Variants in ENKUR observed in about 807,000 individuals in gnomAD.
ENKUR encodes the protein enkurin, TRPC channel interacting protein, also known as enkurin.
Under a neutral mutation model 27.6 loss-of-function variants are expected in ENKUR, and 19 were observed. That is an observed-to-expected ratio of 0.69 (90% confidence interval 0.48 to 1.01). The LOEUF (loss-of-function observed/expected upper bound fraction) is 1.01, where lower values mean the gene tolerates loss of function less well. ENKUR is among the 50% of genes least tolerant of loss of function. ENKUR has a pLI of 0.00. For missense variants in ENKUR, 312 were observed against 310.5 expected, an observed-to-expected ratio of 1.00 and a Z score of -0.04; for synonymous variants, 117 against 96.9, an observed-to-expected ratio of 1.21 and a Z score of -1.22.
chr10:25,044,066 T>G (rs2130475524), intron 2 of ENKUR, among the ~76,000 whole-genome samples: 1 of 152,296 alleles, frequency 6.6e-6, no homozygotes, highest in East Asian at 1.9e-4. Context: ...TCTGTAAGAC[T>G]GTTTCTATTG....
chr10:25,013,433 CA>C (rs1850496967), intron 1 of ENKUR, among the ~76,000 whole-genome samples: 1 of 152,160 alleles, frequency 6.6e-6, no homozygotes, highest in Non-Finnish European at 1.5e-5. Context: ...CAACCTTAGT[CA>C]AAATCCATAC....
chr10:25,007,249 T>C (rs1050103197), intron 1 of ENKUR, among the ~76,000 whole-genome samples: 1 of 152,166 alleles, frequency 6.6e-6, no homozygotes, highest in African/African-American at 2.4e-5. Flanking sequence ...CCGAATAATC[T>C]AAAAAATGAG....
chr10:25,053,757 G>A (rs967804512), intron 2 of ENKUR, among the ~76,000 whole-genome samples: 2 of 152,000 alleles, frequency 1.3e-5, no homozygotes, highest in African/African-American at 4.8e-5. Flanking sequence ...CCTGCAATGA[G>A]CATTCTTATA....
chr10:25,022,080 G>GTGATAAGCC (rs1416250968), intron 2 of ENKUR, among the ~76,000 whole-genome samples: 2 of 152,074 alleles, frequency 1.3e-5, no homozygotes, highest in African/African-American at 4.8e-5. Context: ...CAGAGAACAC[G>GTGATAAGCC]TGATAAGCCC....
chr10:25,024,574 T>TCTTA, intron 2 of ENKUR: 1 of 1,614,154 alleles, frequency 6.2e-7, no homozygotes, highest in Non-Finnish European at 8.5e-7. Context: ...TTTTAATGAT[T>TCTTA]CTGATTTTAC....
At chr10:25,001,496 C>T (rs1013595355) in intron 1 of ENKUR, among the ~76,000 whole-genome samples, 1 of 152,022 alleles carries the variant, frequency 6.6e-6, no homozygotes, top group African/African-American at 2.4e-5. Context: ...TTCTCCTCTT[C>T]CATGATTCTT....
At chr10:25,000,997 C>A (rs545190682) in intron 1 of ENKUR, among the ~76,000 whole-genome samples, 95 of 152,160 alleles carry the variant, frequency 6.2e-4, no homozygotes, top group African/African-American at 2.0e-3. Context: ...TTGCATCCAA[C>A]CCCACTCTTG....
At chr10:25,028,311 G>A (rs1210013818) in intron 2 of ENKUR, among the ~76,000 whole-genome samples, 1 of 152,132 alleles carries the variant, frequency 6.6e-6, no homozygotes, top group African/African-American at 2.4e-5. Flanking sequence ...AGGAACAAGT[G>A]ACCATACATA....
intron 2 of ENKUR, chr10:25,024,681 A>T: frequency 6.2e-7 from 1 of 1,614,242 alleles, no homozygotes. Context: ...ATGCTTCCGC[A>T]TATCTTGATC....
chr10:24,998,345 CCCTT>C (rs1850111882), intron 2 of ENKUR, among the ~76,000 whole-genome samples: 1 of 132,828 alleles, frequency 7.5e-6, no homozygotes, highest in Non-Finnish European at 1.6e-5. Flanking sequence ...CTCTCTCCCT[CCCTT>C]CCTTCCTTCC....
At chr10:25,038,660 G>A (rs1460290975) in intron 2 of ENKUR, among the ~76,000 whole-genome samples, 1 of 152,124 alleles carries the variant, frequency 6.6e-6, no homozygotes, top group African/African-American at 2.4e-5. Context: ...CTTTAATAAT[G>A]GCAGCTTCCT....
chr10:25,017,324 G>A (rs905924992), upstream of ENKUR, among the ~76,000 whole-genome samples: 4 of 152,152 alleles, frequency 2.6e-5, no homozygotes, highest in South Asian at 2.1e-4. Flanking sequence ...TCATTTAGAC[G>A]CTTTTACCCG....
At chr10:24,994,633 T>C (rs1202389580) in intron 3 of ENKUR, among the ~76,000 whole-genome samples, 1 of 152,158 alleles carries the variant, frequency 6.6e-6, no homozygotes, top group Non-Finnish European at 1.5e-5. Context: ...CCAGCCTGCA[T>C]TCATATTTTG....
At chr10:25,058,627 G>A (rs1851288257) in intron 2 of ENKUR, among the ~76,000 whole-genome samples, 1 of 152,126 alleles carries the variant, frequency 6.6e-6, no homozygotes, top group Admixed American at 6.6e-5. Flanking sequence ...ACCTATAGCT[G>A]GCCAATTAGT....
Position 24,995,660 on chromosome 10 carries a change from A to G in ENKUR, c.433T>C (p.Tyr145His). 6.2e-7 allele frequency: 1 copy of G among 1,612,192 alleles called. No individual in the cohort carries two copies. Among genetic ancestry groups the G allele is most frequent in the Middle Eastern group, 1.7e-4 (1 of 6,052 alleles). Residue 145 changes from tyrosine (Y) to histidine (H), a missense_variant, in exon 3 of 6, where the codon TAC becomes CAC. By Grantham distance (83) the Tyr-to-His change is moderately conservative. Transcript: ENST00000331161. ...DLEPSGLVPK[Y>H]INKKDYGVTP... is the part of the protein sequence containing the mutation. ...CACAAGGCTACCTTTTTATTGATGT[A>G]CTTTGGAACTAGTCCTGAAGGCTCA...
At chr10:24,990,829 C>T (rs970676312) in intron 3 of ENKUR, among the ~76,000 whole-genome samples, 1 of 152,136 alleles carries the variant, frequency 6.6e-6, no homozygotes, top group Non-Finnish European at 1.5e-5. Flanking sequence ...CATAGTGGCT[C>T]ACACCTGTAA....
intron 1 of ENKUR, among the ~76,000 whole-genome samples, chr10:25,013,091 GCCA>G (rs1271169165): frequency 6.6e-6 from 1 of 152,128 alleles, no homozygotes; most frequent in Non-Finnish European, 1.5e-5. Context: ...TCTCTTTCCT[GCCA>G]CCATGTAAGA....
intron 2 of ENKUR, chr10:25,025,213 T>C: frequency 6.2e-7 from 1 of 1,614,200 alleles, no homozygotes; most frequent in Non-Finnish European, 8.5e-7. Flanking sequence ...GATTATCTCA[T>C]CTACAGCCCA....
intron 2 of ENKUR, among the ~76,000 whole-genome samples, chr10:25,052,498 C>T (rs1489550819): frequency 1.3e-5 from 2 of 152,128 alleles, no homozygotes; most frequent in Non-Finnish European, 2.9e-5. Flanking sequence ...GTACTAGAGG[C>T]GGGGCTCAGT....
Sources: gnomAD v4.1 joint callset for allele counts (sites outside exome capture counted in the v4.1 genomes callset) on GRCh38, gnomAD v4.1.1 for gene constraint, MANE v1.5 for transcripts, NCBI Gene and HGNC (gene_info 2026-07-23, HGNC 2026-07-21) for gene names.